Variants in RGPD8 observed in about 807,000 individuals in gnomAD.
The protein encoded by RGPD8 is RANBP2 like and GRIP domain containing 8, also known as RANBP2-like and GRIP domain-containing protein 8.
In RGPD8, 15 loss-of-function variants were observed where a neutral mutation model predicts 89.1. That is an observed-to-expected ratio of 0.17 (90% CI 0.11 to 0.26). The LOEUF is 0.26. Ranked by LOEUF, RGPD8 falls within the 10% of genes least tolerant of loss-of-function variation. The pLI is 1.00. For synonymous variants in RGPD8, 62 were observed against 420.9 expected (o/e 0.15, Z 10.44); for missense variants, 178 against 1,179.6 (o/e 0.15, Z 12.44).
In RGPD8 at chr2:112,424,401, C is replaced by T. The variant is rs1241931924; in HGVS notation, c.73-94G>A. 7 of 1,091,204 alleles carry T rather than the reference C, an allele frequency of 6.4e-6. No individual in the cohort carries two copies. The Admixed American group carries it at 7.5e-5, about 12-fold the overall frequency. 67.6% of individuals were successfully genotyped at this position (1,091,204 alleles called of 1,614,324 possible). Reference sequence around the variant, plus strand: ...TTAAAGCCTGACAAATGCATAATTCCATGTTTTATAATTTCCTACCACAAA... The same window carrying T: ...TTAAAGCCTGACAAATGCATAATTCTATGTTTTATAATTTCCTACCACAAA... On this transcript the variant is annotated intron_variant, in intron 1 of 22. Transcript: ENST00000302558.
At chr2:112,408,902 C>T (rs1679055704) in intron 7 of RGPD8, among the ~76,000 whole-genome samples, 2 of 151,778 alleles carry the variant, frequency 1.3e-5, no homozygotes, top group South Asian at 2.1e-4. Flanking sequence ...AAACTCCTGA[C>T]CTTAAGCGAT....
At chr2:112,430,454 G>GA (rs58259625) in intron 1 of RGPD8, among the ~76,000 whole-genome samples, 27,986 of 151,766 alleles carry the variant, frequency 0.18, 2,976 homozygotes, top group African/African-American at 0.28. Context: ...ATTTGGGGGG[G>GA]AAAAAAAGAC....
rs1051801371 is a variant in RGPD8 at position 112,432,740 on chromosome 2, C to T, written c.72+642G>A. 5 of 985,166 alleles carry T rather than the reference C, an allele frequency of 5.1e-6. 1 individual carries two copies. The South Asian group carries it at 1.9e-4, about 37-fold the overall frequency. The allele number at this position is 985,166 out of a possible 1,614,324, so 61.0% of individuals were successfully genotyped here. On this transcript the variant is annotated intron_variant, in intron 1 of 22. Coordinates refer to ENST00000302558, the MANE Select transcript of RGPD8 (RefSeq NM_001164463.1). ...CGGGGCCAGAAAGCCCGGGCCAGGG[C>T]GAGCCCACGAGCGAGCACCGTCGGG...
At chr2:112,411,186 C>T (rs1296222701) in intron 7 of RGPD8, among the ~76,000 whole-genome samples, 1 of 151,846 alleles carries the variant, frequency 6.6e-6, no homozygotes, top group Non-Finnish European at 1.5e-5. Flanking sequence ...TAAAATTAAT[C>T]ATCTTTCTAA....
chr2:112,371,660 C>G (rs1290183915), intron 22 of RGPD8, among the ~76,000 whole-genome samples: 1 of 60,888 alleles, frequency 1.6e-5, no homozygotes, highest in African/African-American at 6.9e-5. Flanking sequence ...AATTCATATA[C>G]CACATAATTC....
At chr2:112,410,901 C>T (rs1371017664) in intron 7 of RGPD8, among the ~76,000 whole-genome samples, 1 of 152,298 alleles carries the variant, frequency 6.6e-6, no homozygotes, top group African/African-American at 2.4e-5. Flanking sequence ...GCCTGACCAA[C>T]ATGGAGAAAC....
rs368228462 is a variant in RGPD8, at chr2:112,433,242, G to T, written c.72+140C>A. On this transcript the variant is annotated intron_variant, in intron 1 of 22. Transcript: ENST00000302558. ...GCCGCCGCCGGGCCGGGTGGAGGCC[G>T]CCGCCTCAACAGAGCGCGCCAGGGA... 1,143 of 893,148 alleles carry T rather than the reference G, an allele frequency of 1.3e-3. 17 individuals are homozygous for T. In the East Asian group the frequency reaches 0.024, roughly 19 times the overall value. 55.3% of individuals were successfully genotyped at this position (893,148 alleles called of 1,614,324 possible).
chr2:112,430,644 CTT>C (rs60900008), intron 1 of RGPD8, among the ~76,000 whole-genome samples: 5 of 130,620 alleles, frequency 3.8e-5, no homozygotes, highest in Admixed American at 1.5e-4. Context: ...TCTAAGGTTG[CTT>C]TTTTTTTTTT....
intron 7 of RGPD8, among the ~76,000 whole-genome samples, chr2:112,411,170 C>T (rs1343127244): frequency 6.6e-6 from 1 of 152,218 alleles, no homozygotes; most frequent in Non-Finnish European, 1.5e-5. Flanking sequence ...GCAAAAAATC[C>T]TTCTCTAAAA....
rs573000581 is a variant in RGPD8 at position 112,431,987 on chromosome 2, T to G, written c.72+1395A>C. ...TAAAAAGTGACTTGTAGCTAACATT[T>G]AGTGCTATGTGTCAAGCAATAACCT... On this transcript the variant is annotated intron_variant, in intron 1 of 22. Coordinates refer to ENST00000302558, the MANE Select transcript of RGPD8 (RefSeq NM_001164463.1). 3.9e-5 allele frequency among the ~76,000 whole-genome samples: 6 copies of G among 152,354 alleles called. No individual in the cohort carries two copies. In the South Asian group the frequency reaches 1.0e-3, roughly 26 times the overall value.
At position 112,433,584 on chromosome 2, in the gene RGPD8, G is replaced by C; in HGVS notation, c.-131C>G. On this transcript the variant is annotated 5_prime_UTR_variant, in exon 1 of 23. Coordinates refer to ENST00000302558, the MANE Select transcript of RGPD8 (RefSeq NM_001164463.1). ...AGCCGGCGGAGGCCCACTGTGACGA[G>C]CGTGCGGCGCCGCCCACGGAGGCCC... 1.0e-6 allele frequency: 1 copy of C among 980,100 alleles called. No homozygotes were observed. 60.7% of individuals were successfully genotyped at this position (980,100 alleles called of 1,614,324 possible).
At chr2:112,427,490 T>C (rs1189973621) in intron 1 of RGPD8, among the ~76,000 whole-genome samples, 2 of 152,106 alleles carry the variant, frequency 1.3e-5, no homozygotes, top group African/African-American at 4.8e-5. Context: ...TCACTTAAGC[T>C]GCCAAATATC....
chr2:112,415,329 T>C (rs1241180302), intron 6 of RGPD8, among the ~76,000 whole-genome samples: 1 of 151,796 alleles, frequency 6.6e-6, no homozygotes, highest in Non-Finnish European at 1.5e-5. Flanking sequence ...ACAAGGCGGG[T>C]AACAAAGGGC....
intron 22 of RGPD8, among the ~76,000 whole-genome samples, chr2:112,372,877 C>CTA (rs1363280188): frequency 2.2e-5 from 2 of 89,474 alleles, no homozygotes; most frequent in African/African-American, 1.1e-4. Flanking sequence ...ATCAAAAAGC[C>CTA]TATAACAGGC....
intron 22 of RGPD8, among the ~76,000 whole-genome samples, chr2:112,371,984 A>G (rs1164493083): frequency 7.5e-6 from 1 of 132,942 alleles, no homozygotes; most frequent in Non-Finnish European, 1.6e-5. Flanking sequence ...TAGTACCTTA[A>G]CACATATTTA....
rs1331393559 is a variant in RGPD8, at chr2:112,433,562, C to T, written c.-109G>A. 15 of 1,178,386 alleles carry T rather than the reference C, an allele frequency of 1.3e-5. No individual in the cohort carries two copies. Among genetic ancestry groups the T allele is most frequent in the Admixed American group, 4.9e-5 (2 of 40,642 alleles). 73.0% of individuals were successfully genotyped at this position (1,178,386 alleles called of 1,614,324 possible). ...CAAGCCACTGAAGCAGCGGCGTAGC[C>T]GGCGGAGGCCCACTGTGACGAGCGT... is the stretch of plus-strand genomic sequence containing the variant. On this transcript the variant is annotated 5_prime_UTR_variant, in exon 1 of 23. Coordinates refer to ENST00000302558, the MANE Select transcript of RGPD8 (RefSeq NM_001164463.1).
intron 6 of RGPD8, among the ~76,000 whole-genome samples, chr2:112,415,700 G>A (rs371964636): frequency 4.1e-5 from 6 of 145,066 alleles, no homozygotes; most frequent in East Asian, 2.0e-4. Context: ...GTGACAGAGC[G>A]AGACTCTGTC....
intron 9 of RGPD8, among the ~76,000 whole-genome samples, chr2:112,402,807 ATATT>A (rs1487208795): frequency 1.5e-5 from 1 of 66,628 alleles, no homozygotes; most frequent in Non-Finnish European, 3.0e-5. Context: ...AATAAAAGTG[ATATT>A]TATAGTTTTA....
intron 1 of RGPD8, among the ~76,000 whole-genome samples, chr2:112,427,976 A>T (rs1237733143): frequency 1.9e-4 from 27 of 145,204 alleles, no homozygotes; most frequent in South Asian, 6.2e-4. Flanking sequence ...AAACATCATT[A>T]AAAAAAAGGG....
Sources: allele counts gnomAD v4.1 joint callset (sites outside exome capture counted in the v4.1 genomes callset), GRCh38; gene constraint gnomAD v4.1.1; transcripts MANE v1.5; gene names NCBI Gene and HGNC (gene_info 2026-07-23, HGNC 2026-07-21).